Variants in SCAF4 observed in about 807,000 individuals in gnomAD.
The protein encoded by SCAF4 is SR-related CTD associated factor 4, also known as SR-related and CTD-associated factor 4.
In SCAF4, 25 loss-of-function variants were observed where a neutral mutation model predicts 129.8. The ratio of observed to expected loss-of-function variants is 0.19; its 90% CI spans 0.14 to 0.27. SCAF4 has a LOEUF of 0.27. Among genes scored for constraint, SCAF4 ranks in the 10% least tolerant of loss-of-function variants. SCAF4 has a pLI of 1.00. For synonymous variants in SCAF4, 551 were observed against 497.7 expected (o/e 1.11, Z -1.43); for missense variants, 1,246 against 1,457.1 (o/e 0.86, Z 2.36).
intron 1 of SCAF4, among the ~76,000 whole-genome samples, chr21:31,717,825 C>CTATATA: frequency 1.2e-5 from 1 of 82,618 alleles, no homozygotes; most frequent in African/African-American, 4.3e-5. Context: ...GAAACTGCTG[C>CTATATA]CATATATATA....
At chr21:31,712,887 C>CATGAA (rs1251734600) in intron 1 of SCAF4, 57 of 973,888 alleles carry the variant, frequency 5.9e-5, no homozygotes, top group Non-Finnish European at 6.6e-5. Flanking sequence ...CTGTTAATAG[C>CATGAA]ATGAAATGAA....
At chr21:31,722,564 G>A (rs1052060213) in intron 1 of SCAF4, among the ~76,000 whole-genome samples, 2 of 152,150 alleles carry the variant, frequency 1.3e-5, no homozygotes, top group Non-Finnish European at 2.9e-5. Flanking sequence ...TTCCTTGTAC[G>A]TGAATATCAA....
intron 19 of SCAF4, among the ~76,000 whole-genome samples, chr21:31,680,474 T>A (rs1237924949): frequency 6.6e-6 from 1 of 152,156 alleles, no homozygotes; most frequent in East Asian, 1.9e-4. Flanking sequence ...ATAATTAGAG[T>A]ACCAATTCAA....
intron 1 of SCAF4, among the ~76,000 whole-genome samples, chr21:31,710,867 T>G (rs2050784645): frequency 6.6e-6 from 1 of 152,218 alleles, no homozygotes. Context: ...TTTTCATTAA[T>G]TCAACAAATA....
chr21:31,685,275 A>G, intron 18 of SCAF4, 35 bp from the exon 19 acceptor site: 1 of 1,525,904 alleles, frequency 6.6e-7, no homozygotes, highest in Non-Finnish European at 9.1e-7. Context: ...TGTGAAGCTG[A>G]ATAATTAATT....
intron 1 of SCAF4, among the ~76,000 whole-genome samples, chr21:31,730,605 T>A (rs957881045): frequency 1.1e-4 from 16 of 152,330 alleles, no homozygotes; most frequent in African/African-American, 3.6e-4. Context: ...AACATTTGAT[T>A]TTTCAATGTT....
chr21:31,693,033 G>A (rs959630757), intron 12 of SCAF4, among the ~76,000 whole-genome samples: 3 of 152,176 alleles, frequency 2.0e-5, no homozygotes, highest in Non-Finnish European at 1.5e-5. Context: ...CATCTGATGA[G>A]ATTCAGAAAA....
chr21:31,693,062 T>C (rs2050297673), intron 12 of SCAF4, among the ~76,000 whole-genome samples: 1 of 152,186 alleles, frequency 6.6e-6, no homozygotes, highest in African/African-American at 2.4e-5. Flanking sequence ...GTGAATACAT[T>C]CTGTAAATTT....
chr21:31,716,782 T>A (rs182461464), intron 1 of SCAF4, among the ~76,000 whole-genome samples: 16 of 152,242 alleles, frequency 1.1e-4, no homozygotes, highest in African/African-American at 3.8e-4. Flanking sequence ...TTACTAAATG[T>A]GTGTCTGGGT....
At position 31,685,686 on chromosome 21, in the gene SCAF4, C is replaced by A. The variant is rs199940701; in HGVS notation, c.2091G>T (p.Pro697=). 9 of 1,611,566 alleles carry A rather than the reference C, an allele frequency of 5.6e-6. No homozygotes were observed. The highest frequency in any genetic ancestry group is 7.6e-6 in the Non-Finnish European group (9 of 1,178,910). The change falls in exon 17 of 20, where the codon CCG becomes CCT. Residue 697 remains proline, a synonymous_variant. Coordinates refer to ENST00000286835, the MANE Select transcript of SCAF4 (RefSeq NM_020706.2). ...PGPPVVGALQ[P]PAFTPPLGIP... ...TTCCCAGAGGAGGCGTGAAAGCAGG[C>A]GGCTGGAGAGCACCAACTACAGGTG...
chr21:31,674,442 T>G (rs1347701508), intron 19 of SCAF4, among the ~76,000 whole-genome samples: 1 of 152,214 alleles, frequency 6.6e-6, no homozygotes, highest in East Asian at 1.9e-4. Flanking sequence ...CCAGCTGGGT[T>G]TCCTTTTAAC....
intron 1 of SCAF4, among the ~76,000 whole-genome samples, chr21:31,726,995 T>C (rs750024400): frequency 2.6e-5 from 4 of 152,322 alleles, no homozygotes; most frequent in South Asian, 2.1e-4. Flanking sequence ...AGGAAGACTT[T>C]ATATTTTATT....
At position 31,696,718 on chromosome 21, in the gene SCAF4, CTCA is replaced by C. The variant is rs777811081; in HGVS notation, c.807_809del (p.Asp269del). 1 of 1,613,120 alleles carries C rather than the reference CTCA, an allele frequency of 6.2e-7. No homozygotes were observed. Among genetic ancestry groups the C allele is most frequent in the South Asian group, 1.1e-5 (1 of 90,998 alleles). ...TCTTTGATTCTTCCACAGCTTCTGGCTCATCATCATAGTCAAATCTATCAAGCA... is the reference window on the plus strand; with the variant it reads ...TCTTTGATTCTTCCACAGCTTCTGGCTCATCATAGTCAAATCTATCAAGCA... On this transcript the variant is annotated inframe_deletion, in exon 8 of 20. Coordinates refer to ENST00000286835, the MANE Select transcript of SCAF4 (RefSeq NM_020706.2).
Position 31,672,275 on chromosome 21 carries a change from G to A in SCAF4, c.2568C>T (p.Leu856=). The change falls in exon 20 of 20, where the codon CTC becomes CTT. Residue 856 remains leucine (L), a synonymous_variant. Coordinates refer to ENST00000286835, the MANE Select transcript of SCAF4 (RefSeq NM_020706.2). ...STGLLGARPG[L]IPLQRPPGMP... ...TTCCTGGAGGGCGCTGGAGTGGGAT[G>A]AGACCGGGCCGGGCGCCAAGAAGAC... is the stretch of plus-strand genomic sequence containing the variant. 6.2e-7 allele frequency: 1 copy of A among 1,614,052 alleles called. No individual in the cohort carries two copies.
At chr21:31,725,086 C>T (rs2051168946) in intron 1 of SCAF4, among the ~76,000 whole-genome samples, 1 of 152,118 alleles carries the variant, frequency 6.6e-6, no homozygotes, top group Admixed American at 6.5e-5. Flanking sequence ...CATTCAAAAA[C>T]TCCTGGGATA....
At chr21:31,673,880 C>T (rs1040667479) in intron 19 of SCAF4, among the ~76,000 whole-genome samples, 3 of 152,026 alleles carry the variant, frequency 2.0e-5, no homozygotes, top group Non-Finnish European at 4.4e-5. Flanking sequence ...TTTTCCAGGA[C>T]TAAAATGACC....
chr21:31,727,782 T>TCC (rs984643814), intron 1 of SCAF4, among the ~76,000 whole-genome samples: 3 of 151,400 alleles, frequency 2.0e-5, no homozygotes, highest in Admixed American at 2.0e-4. Context: ...AGAGCGGGTC[T>TCC]CCACCTTAAA....
At chr21:31,673,182 T>C (rs372245565) in intron 19 of SCAF4, among the ~76,000 whole-genome samples, 1 of 152,138 alleles carries the variant, frequency 6.6e-6, no homozygotes, top group African/African-American at 2.4e-5. Context: ...CATACTGATA[T>C]AAGAGTCACG....
chr21:31,688,604 T>C (rs2050186060), intron 15 of SCAF4, 140 bp from the exon 16 acceptor site: 3 of 691,318 alleles, frequency 4.3e-6, no homozygotes, highest in Non-Finnish European at 2.4e-6. Context: ...ATAGTAATTA[T>C]TTAAATTAAC....
Sources: allele counts gnomAD v4.1 joint callset (sites outside exome capture counted in the v4.1 genomes callset), GRCh38; gene constraint gnomAD v4.1.1; transcripts MANE v1.5; gene names NCBI Gene and HGNC (gene_info 2026-07-23, HGNC 2026-07-21).